The following ZBTB49 variants were observed in gnomAD, a reference collection of about 807,000 sequenced individuals.
The protein encoded by ZBTB49 is zinc finger and BTB domain-containing protein 49.
ZBTB49 carries 43 observed loss-of-function variants against 57.5 expected under a neutral mutation model. The ratio of observed to expected loss-of-function variants is 0.75; its 90% confidence interval spans 0.59 to 0.97. The LOEUF (loss-of-function observed/expected upper bound fraction) is 0.97, where lower values mean the gene tolerates loss of function less well. Ranked by LOEUF, ZBTB49 falls within the 50% of genes least tolerant of loss-of-function variation. ZBTB49 has a pLI of 0.00. For missense variants in ZBTB49, 938 were observed against 947.7 expected (o/e 0.99, Z 0.13); for synonymous variants, 369 against 362.1 (o/e 1.02, Z -0.22).
At chr4:4,313,485 G>C (rs563384004) in intron 5 of ZBTB49, among the ~76,000 whole-genome samples, 1 of 152,296 alleles carries the variant, frequency 6.6e-6, no homozygotes, top group South Asian at 2.1e-4. Flanking sequence ...TGGCAGCTGA[G>C]TGACTAGATT....
chr4:4,298,429 C>CTTTT (rs57089472), intron 1 of ZBTB49, among the ~76,000 whole-genome samples: 1 of 149,352 alleles, frequency 6.7e-6, no homozygotes, highest in African/African-American at 2.5e-5. Context: ...ACCATACTGC[C>CTTTT]TTTTTTTTTG....
intron 1 of ZBTB49, among the ~76,000 whole-genome samples, chr4:4,297,098 T>A (rs1720237902): frequency 6.6e-6 from 1 of 152,152 alleles, no homozygotes; most frequent in Non-Finnish European, 1.5e-5. Flanking sequence ...TGAGACAGAG[T>A]CTCGCTTTGT....
chr4:4,306,039 T>C (rs1401215984), intron 3 of ZBTB49, 99 bp from the exon 4 acceptor site: 7 of 897,000 alleles, frequency 7.8e-6, no homozygotes, highest in Non-Finnish European at 1.1e-5. Context: ...ATGCAGAATG[T>C]AATGCCATTT....
intron 1 of ZBTB49, among the ~76,000 whole-genome samples, chr4:4,296,732 A>T (rs1720220846): frequency 2.6e-5 from 4 of 152,222 alleles, no homozygotes; most frequent in Admixed American, 2.6e-4. Context: ...AAAGTATGAA[A>T]GAGAGACCTG....
chr4:4,311,833 G>A (rs968294114), intron 4 of ZBTB49, among the ~76,000 whole-genome samples: 4 of 152,038 alleles, frequency 2.6e-5, no homozygotes, highest in Admixed American at 6.6e-5. Flanking sequence ...GAGTTTTTTC[G>A]AAGCCACATT....
At position 4,295,390 on chromosome 4, in the gene ZBTB49, C is replaced by T. The variant is rs996705687; in HGVS notation, c.-19-4537C>T. On this transcript the variant is annotated intron_variant, in intron 1 of 7. Coordinates refer to ENST00000337872, the MANE Select transcript of ZBTB49 (RefSeq NM_145291.4). ...TATCACAAGAACAGCATGGGGGAAA[C>T]TGCTCCCATGATCCAGTCACCTCCC... Among the ~76,000 whole-genome samples the T allele has an allele frequency of 7.2e-5, 11 of 152,308 alleles. No individual in the cohort carries two copies. In the South Asian group the frequency reaches 2.1e-3, roughly 29 times the overall value.
chr4:4,303,498 T>C (rs182143413), intron 3 of ZBTB49, among the ~76,000 whole-genome samples: 1 of 152,290 alleles, frequency 6.6e-6, no homozygotes, highest in Admixed American at 6.5e-5. Flanking sequence ...TAATTTAGAC[T>C]AACCTAATAT....
chr4:4,300,225 A>G, intron 2 of ZBTB49, 128 bp downstream of exon 2: 12 of 1,087,440 alleles, frequency 1.1e-5, no homozygotes, highest in Non-Finnish European at 1.5e-5. Context: ...TGGATTTTGT[A>G]GGAGTTGTTT....
intron 7 of ZBTB49, among the ~76,000 whole-genome samples, chr4:4,317,886 C>T (rs1560116905): frequency 6.6e-6 from 1 of 152,208 alleles, no homozygotes; most frequent in Non-Finnish European, 1.5e-5. Context: ...CAGCTGGCGT[C>T]TTTCCTGGCT....
At chr4:4,298,900 A>T (rs938706434) in intron 1 of ZBTB49, among the ~76,000 whole-genome samples, 29 of 152,332 alleles carry the variant, frequency 1.9e-4, no homozygotes, top group African/African-American at 6.7e-4. Flanking sequence ...GTCGTGCATC[A>T]GGCACTTTCG....
chr4:4,310,016 CT>C (rs1187616554), intron 4 of ZBTB49, among the ~76,000 whole-genome samples: 2 of 151,928 alleles, frequency 1.3e-5, no homozygotes, highest in Non-Finnish European at 2.9e-5. Context: ...CGATTCCTGA[CT>C]TTTTTTTGAT....
Position 4,299,919 on chromosome 4 carries a change from T to C in ZBTB49, c.-19-8T>C. The C allele has an allele frequency of 6.2e-7, 1 of 1,611,136 alleles. No homozygotes were observed. Among genetic ancestry groups the C allele is most frequent in the African/African-American group, 1.3e-5 (1 of 74,964 alleles). ...AATATCTGTCGTATCTGTGATTTTT[T>C]GCTGTAGGTCACCTGAATGGTTGAG... On this transcript the variant is annotated splice_region_variant and splice_polypyrimidine_tract_variant and intron_variant, in intron 1 of 7. Coordinates refer to ENST00000337872, the MANE Select transcript of ZBTB49 (RefSeq NM_145291.4).
chr4:4,319,775 T>A (rs771450535), intron 7 of ZBTB49, among the ~76,000 whole-genome samples: 23 of 151,618 alleles, frequency 1.5e-4, no homozygotes, highest in Non-Finnish European at 2.5e-4. Context: ...GATCCGAGAT[T>A]GCACCTCACT....
At chr4:4,310,845 A>G (rs1720958454) in intron 4 of ZBTB49, among the ~76,000 whole-genome samples, 1 of 152,054 alleles carries the variant, frequency 6.6e-6, no homozygotes, top group African/African-American at 2.4e-5. Context: ...TATGGACACA[A>G]CTATAGGTGA....
intron 3 of ZBTB49, among the ~76,000 whole-genome samples, chr4:4,304,894 C>G (rs13110731): frequency 0.5 from 76,233 of 151,776 alleles, 19,409 homozygotes; most frequent in Middle Eastern, 0.61. Flanking sequence ...TGGTAGATAT[C>G]AATAGCTATA....
At position 4,315,132 on chromosome 4, in the gene ZBTB49, A is replaced by G. The variant is rs1049302299; in HGVS notation, c.1377-504A>G. Among the ~76,000 whole-genome samples the G allele has an allele frequency of 7.9e-5, 12 of 152,296 alleles. No homozygotes were observed. The East Asian group carries it at 1.4e-3, about 17-fold the overall frequency. On this transcript the variant is annotated intron_variant, in intron 5 of 7. Coordinates refer to ENST00000337872, the MANE Select transcript of ZBTB49 (RefSeq NM_145291.4). ...AGCTCCTGTTTGCATTTTACTTTATAGTGAAAAGAGCGAGAGTCGCACCTG... is the reference window on the plus strand; with the variant it reads ...AGCTCCTGTTTGCATTTTACTTTATGGTGAAAAGAGCGAGAGTCGCACCTG...
chr4:4,307,750 C>T (rs1720802062), intron 4 of ZBTB49, among the ~76,000 whole-genome samples: 3 of 151,996 alleles, frequency 2.0e-5, no homozygotes, highest in Admixed American at 2.0e-4. Flanking sequence ...GGACTAATGA[C>T]CATGAATAAT....
At chr4:4,301,190 A>C (rs562015559) in intron 2 of ZBTB49, among the ~76,000 whole-genome samples, 1 of 152,314 alleles carries the variant, frequency 6.6e-6, no homozygotes, top group Non-Finnish European at 1.5e-5. Flanking sequence ...TGTTTGGGGG[A>C]AATAGGTGAT....
intron 4 of ZBTB49, among the ~76,000 whole-genome samples, chr4:4,310,570 C>CATGAT (rs1165720026): frequency 6.7e-5 from 10 of 148,990 alleles, no homozygotes; most frequent in African/African-American, 9.9e-5. Flanking sequence ...AGTGCAGTGG[C>CATGAT]ATGATCTCGG....
Sources: gnomAD v4.1 joint callset for allele counts (sites outside exome capture counted in the v4.1 genomes callset) on GRCh38, gnomAD v4.1.1 for gene constraint, MANE v1.5 for transcripts, NCBI Gene and HGNC (gene_info 2026-07-23, HGNC 2026-07-21) for gene names.